The following LINGO1 variants were observed in gnomAD, a reference collection of about 807,000 sequenced individuals.
LINGO1 encodes the protein leucine rich repeat and Ig domain containing 1.
LINGO1 carries 11 observed loss-of-function variants against 37.3 expected under a neutral mutation model. That is an observed-to-expected ratio of 0.29 (90% CI 0.19 to 0.49). The LOEUF is 0.49. Among genes scored for constraint, LINGO1 ranks in the 20% least tolerant of loss-of-function variants. The pLI, the probability that LINGO1 is intolerant of heterozygous loss-of-function variation, is 0.99. For missense variants in LINGO1, 585 were observed against 878.2 expected, an observed-to-expected ratio of 0.67 and a Z score of 4.22; for synonymous variants, 387 against 403.0, an observed-to-expected ratio of 0.96 and a Z score of 0.48.
Position 77,717,784 on chromosome 15 carries a change from C to G in LINGO1, c.-195+17208G>C, listed in dbSNP as rs116570488. 7.7e-3 allele frequency among the ~76,000 whole-genome samples: 1,155 copies of G among 150,820 alleles called. 32 individuals carry two copies. The highest frequency in any genetic ancestry group is 0.027 in the African/African-American group (1,107 of 41,522). ...GGTGCAGCGGAGGCCCTGCTCAGCA[C>G]GGCTCAGACCCCATTGGATACCTAC... On this transcript the variant is annotated intron_variant, in intron 2 of 3. Transcript: ENST00000561686.
At chr15:77,803,856 C>G (rs1000084796) in intron 1 of LINGO1, among the ~76,000 whole-genome samples, 1 of 152,166 alleles carries the variant, frequency 6.6e-6, no homozygotes, top group Non-Finnish European at 1.5e-5. Flanking sequence ...GCCAATTAAA[C>G]CTCTTTTCTT....
chr15:77,640,152 G>A (rs970857673), intron 3 of LINGO1, among the ~76,000 whole-genome samples: 1 of 152,194 alleles, frequency 6.6e-6, no homozygotes, highest in Non-Finnish European at 1.5e-5. Context: ...CCTGGCCTCA[G>A]TTTATTTTTC....
chr15:77,799,909 G>A (rs182784654), intron 1 of LINGO1, among the ~76,000 whole-genome samples: 33 of 152,234 alleles, frequency 2.2e-4, no homozygotes, highest in Admixed American at 1.7e-3. Flanking sequence ...GCCTCCCAGC[G>A]GCTGTGACAG....
At chr15:77,706,373 C>A (rs1208871215) in intron 2 of LINGO1, among the ~76,000 whole-genome samples, 2 of 152,216 alleles carry the variant, frequency 1.3e-5, no homozygotes. Flanking sequence ...GCAGCCAGGG[C>A]AGCACTGTTG....
chr15:77,634,747 C>T (rs529686660), upstream of LINGO1, among the ~76,000 whole-genome samples: 1 of 152,098 alleles, frequency 6.6e-6, no homozygotes, highest in Non-Finnish European at 1.5e-5. Flanking sequence ...TGGACCCCTC[C>T]CCAGACTCCC....
chr15:77,800,317 GTCTGAT>G (rs1033139399), intron 1 of LINGO1, among the ~76,000 whole-genome samples: 6 of 152,236 alleles, frequency 3.9e-5, no homozygotes, highest in African/African-American at 1.2e-4. Flanking sequence ...AGTTACTGCT[GTCTGAT>G]GGGAAACCAG....
rs894850509 is a variant in LINGO1, at chr15:77,731,105, C to T, written c.-195+3887G>A. ...TAGCTGAGAATTATTTTTATTATTCCGGGTACCTTCCAGCCCCCCAGACAC... is the reference window on the plus strand; with the variant it reads ...TAGCTGAGAATTATTTTTATTATTCTGGGTACCTTCCAGCCCCCCAGACAC... On this transcript the variant is annotated intron_variant, in intron 2 of 3. Coordinates refer to the LINGO1 transcript ENST00000561686. Among the ~76,000 whole-genome samples, 9 of 152,294 alleles carry T rather than the reference C, an allele frequency of 5.9e-5. No homozygotes were observed. In the East Asian group the frequency reaches 9.6e-4, roughly 16 times the overall value.
chr15:77,621,484 G>C (rs540402719), intron 1 of LINGO1, among the ~76,000 whole-genome samples: 1 of 152,342 alleles, frequency 6.6e-6, no homozygotes, highest in East Asian at 1.9e-4. Flanking sequence ...CAAAGCCAGA[G>C]GGGGGCAGAG....
chr15:77,680,417 T>G (rs1237624634), intron 2 of LINGO1, among the ~76,000 whole-genome samples: 1 of 152,236 alleles, frequency 6.6e-6, no homozygotes, highest in African/African-American at 2.4e-5. Flanking sequence ...GCTGCATATG[T>G]TGTTAGAACA....
intron 3 of LINGO1, among the ~76,000 whole-genome samples, chr15:77,649,664 G>A (rs1031197789): frequency 6.6e-6 from 1 of 152,126 alleles, no homozygotes; most frequent in Non-Finnish European, 1.5e-5. Flanking sequence ...TACTGGGGAA[G>A]GTTTCTAGCT....
chr15:77,747,159 C>T lies in LINGO1; in HGVS notation c.-256-12106G>A, dbSNP rs1235299720. Among the ~76,000 whole-genome samples the T allele has an allele frequency of 2.0e-5, 3 of 152,316 alleles. 1 individual carries two copies. The East Asian group carries it at 5.8e-4, about 29-fold the overall frequency. ...CCCTATCCGCAGGCCCAGGACTGCT[C>T]CTCCAGAGCTCCAGTCCCCTGTCCC... On this transcript the variant is annotated intron_variant, in intron 1 of 3. Coordinates refer to the LINGO1 transcript ENST00000561686.
chr15:77,655,970 C>G (rs2074856332), intron 3 of LINGO1, among the ~76,000 whole-genome samples: 1 of 152,240 alleles, frequency 6.6e-6, no homozygotes, highest in Admixed American at 6.5e-5. Flanking sequence ...CCCAGGAAGT[C>G]TGCTGTGGAC....
At chr15:77,675,853 T>C (rs1352227907) in intron 3 of LINGO1, among the ~76,000 whole-genome samples, 6 of 152,188 alleles carry the variant, frequency 3.9e-5, no homozygotes, top group Non-Finnish European at 8.8e-5. Flanking sequence ...AAGCCCTCCA[T>C]AACCCGTCAC....
intron 2 of LINGO1, among the ~76,000 whole-genome samples, chr15:77,725,996 G>A (rs1224402400): frequency 6.6e-6 from 1 of 152,190 alleles, no homozygotes; most frequent in East Asian, 1.9e-4. Context: ...TGGTTGGTAG[G>A]TTTCAGCTCA....
chr15:77,662,249 AC>A (rs1011995844), intron 3 of LINGO1, among the ~76,000 whole-genome samples: 53 of 151,322 alleles, frequency 3.5e-4, no homozygotes, highest in African/African-American at 1.1e-3. Context: ...GGTAGCTCCT[AC>A]CCCCACCCCA....
chr15:77,804,462 G>C (rs2076943473), intron 1 of LINGO1, among the ~76,000 whole-genome samples: 1 of 152,228 alleles, frequency 6.6e-6, no homozygotes, highest in South Asian at 2.1e-4. Context: ...GTCTGGATAA[G>C]GGGTGAGCTC....
chr15:77,628,875 G>A (rs2074170990), intron 1 of LINGO1, among the ~76,000 whole-genome samples: 1 of 152,088 alleles, frequency 6.6e-6, no homozygotes, highest in East Asian at 1.9e-4. Flanking sequence ...TGTTTTCTTG[G>A]GTATAAAATC....
At chr15:77,636,417 T>C (rs984043733), upstream of LINGO1, among the ~76,000 whole-genome samples, 5 of 152,188 alleles carry the variant, frequency 3.3e-5, no homozygotes, top group Non-Finnish European at 5.9e-5. Flanking sequence ...AGCAGAGTCA[T>C]TGCTGAGACC....
intron 1 of LINGO1, among the ~76,000 whole-genome samples, chr15:77,770,455 T>C (rs769491842): frequency 1.3e-5 from 2 of 151,796 alleles, no homozygotes; most frequent in African/African-American, 2.4e-5. Flanking sequence ...GGCGAGGTGG[T>C]GCATGCCTGT....
Sources: allele counts gnomAD v4.1 joint callset (sites outside exome capture counted in the v4.1 genomes callset), GRCh38; gene constraint gnomAD v4.1.1; transcripts MANE v1.5; gene names NCBI Gene and HGNC (gene_info 2026-07-23, HGNC 2026-07-21).